The following ACOX2 variants were observed in gnomAD, a reference collection of about 807,000 sequenced individuals.
ACOX2 encodes the protein acyl-CoA oxidase 2.
ACOX2 carries 59 observed loss-of-function variants against 77.5 expected under a neutral mutation model. That is an observed-to-expected ratio of 0.76 (90% CI 0.62 to 0.95). ACOX2 has a LOEUF of 0.95. Ranked by LOEUF, ACOX2 falls within the 40% of genes least tolerant of loss-of-function variation. The pLI, the probability that ACOX2 is intolerant of heterozygous loss-of-function variation, is 0.00. For missense variants in ACOX2, 837 were observed against 880.4 expected, an observed-to-expected ratio of 0.95 and a Z score of 0.62; for synonymous variants, 317 against 340.1, an observed-to-expected ratio of 0.93 and a Z score of 0.75.
chr3:58,517,616 G>T (rs565175247), intron 12 of ACOX2, among the ~76,000 whole-genome samples, 193 bp from the exon 13 acceptor site: 22 of 149,114 alleles, frequency 1.5e-4, no homozygotes, highest in East Asian at 4.0e-4. Flanking sequence ...TGTGTGTTGG[G>T]GGGGGGAGCG....
At position 58,505,898 on chromosome 3, in the gene ACOX2, C is replaced by T. The variant is rs1469563615; in HGVS notation, c.1984-612G>A. On this transcript the variant is annotated intron_variant, in intron 14 of 14. Coordinates refer to ENST00000302819, the MANE Select transcript of ACOX2 (RefSeq NM_003500.4). This position sits in a 1 kb window ranked among gnomAD's most constrained non-coding sequence, Gnocchi z 4.4. ...TTCCGCCTCCTGGGTTCAAGCGATT[C>T]TTGTGCCTCAGCCTCCCGAGTACCT... Among the ~76,000 whole-genome samples the T allele has an allele frequency of 6.6e-6, 1 of 152,094 alleles. No individual in the cohort carries two copies. Among genetic ancestry groups the T allele is most frequent in the Non-Finnish European group, 1.5e-5 (1 of 68,022 alleles).
Position 58,522,627 on chromosome 3 carries a change from AG to A in ACOX2, c.1527-27del. 1 of 1,607,990 alleles carries A rather than the reference AG, an allele frequency of 6.2e-7. No individual in the cohort carries two copies. On this transcript the variant is annotated intron_variant, in intron 11 of 14. Coordinates refer to ENST00000302819, the MANE Select transcript of ACOX2 (RefSeq NM_003500.4). The surrounding 1 kb of genome is among the most constrained non-coding windows in gnomAD (Gnocchi z 4.3). ...CTGAAAGCCAAAGCAAAAAAGGTTC[AG>A]CTTCCTGACTGAGTGGAAAAGACAA...
chr3:58,510,663 A>AATAT (rs1364040351), intron 13 of ACOX2, among the ~76,000 whole-genome samples: 6 of 14,366 alleles, frequency 4.2e-4, no homozygotes, highest in Non-Finnish European at 6.0e-4. Flanking sequence ...AAAAAAAAAA[A>AATAT]ATATATATAT....
At chr3:58,511,222 A>G (rs2063284845) in intron 13 of ACOX2, 1 of 320,698 alleles carries the variant, frequency 3.1e-6, no homozygotes, top group Non-Finnish European at 6.1e-6. Flanking sequence ...GCCTTTCTCC[A>G]ACAACATCAA....
intron 13 of ACOX2, among the ~76,000 whole-genome samples, chr3:58,509,709 C>G (rs995647292): frequency 1.3e-5 from 2 of 149,914 alleles, no homozygotes; most frequent in Admixed American, 6.6e-5. Flanking sequence ...GGGCTCAAGC[C>G]ATTCTCCTGC....
Position 58,509,021 on chromosome 3 carries a change from C to A in ACOX2, c.1855G>T (p.Asp619Tyr), listed in dbSNP as rs2063255907. 1.2e-6 allele frequency: 2 copies of A among 1,614,106 alleles called. No individual in the cohort carries two copies. Among genetic ancestry groups the A allele is most frequent in the Non-Finnish European group, 8.5e-7 (1 of 1,179,982 alleles). Residue 619 changes from aspartate to tyrosine, a missense_variant, in exon 14 of 15, where the codon GAT (aspartate) becomes TAT (tyrosine). Transcript: ENST00000302819. ...YLDLLRLIRKDAILLTDAFDF... is the reference protein window; with the variant it reads ...YLDLLRLIRKYAILLTDAFDF... ...AAAGCATCAGTTAACAGGATGGCAT[C>A]CTTCCTGGGATAGGAAACAAGAGTT...
chr3:58,529,745 C>CTG (rs2063423015), intron 8 of ACOX2, among the ~76,000 whole-genome samples: 1 of 152,230 alleles, frequency 6.6e-6, no homozygotes, highest in South Asian at 2.1e-4. Context: ...GGACCCTGGG[C>CTG]TGAGGACTTA....
rs773764818 is a variant in ACOX2, at chr3:58,524,609, G to A, written c.1347-4C>T. 8 of 1,613,414 alleles carry A rather than the reference G, an allele frequency of 5.0e-6. 1 individual carries two copies. In the South Asian group the frequency reaches 7.7e-5, roughly 15 times the overall value. ...CAGGTAGCTCTTCACCAGGAACCTGGGGGTTGGAAGAGGAGGCAGGTGAGA... is the reference window on the plus strand; with the variant it reads ...CAGGTAGCTCTTCACCAGGAACCTGAGGGTTGGAAGAGGAGGCAGGTGAGA... On this transcript the variant is annotated splice_region_variant and splice_polypyrimidine_tract_variant and intron_variant, in intron 10 of 14. Transcript: ENST00000302819. The surrounding 1 kb of genome is among the most constrained non-coding windows in gnomAD (Gnocchi z 5.5).
rs971424118 is a variant in ACOX2 at position 58,523,225 on chromosome 3, T to C, written c.1527-624A>G. On this transcript the variant is annotated intron_variant, in intron 11 of 14. Transcript: ENST00000302819. The surrounding 1 kb of genome is among the most constrained non-coding windows in gnomAD (Gnocchi z 5.3). The stretch of plus-strand genomic sequence containing the variant: ...GTAAAGCAAACTGTTTATTAAGCAA[T>C]ATGTTTTTTGCTTTGTCAGGGAATA... 6.6e-6 allele frequency among the ~76,000 whole-genome samples: 1 copy of C among 152,206 alleles called. No individual in the cohort carries two copies. The highest frequency in any genetic ancestry group is 6.5e-5 in the Admixed American group (1 of 15,286).
chr3:58,524,732 A>C lies in ACOX2; in HGVS notation c.1347-127T>G. On this transcript the variant is annotated intron_variant, in intron 10 of 14. Coordinates refer to ENST00000302819, the MANE Select transcript of ACOX2 (RefSeq NM_003500.4). This position sits in a 1 kb window ranked among gnomAD's most constrained non-coding sequence, Gnocchi z 5.5. ...CTTCCCGTGGGAGAGCCAGGTCACC[A>C]GGCCTCTGCCTGGCCTCCCTCCTGA... 1 of 1,088,090 alleles carries C rather than the reference A, an allele frequency of 9.2e-7. No individual in the cohort carries two copies. Among genetic ancestry groups the C allele is most frequent in the South Asian group, 1.6e-5 (1 of 63,046 alleles). 67.4% of individuals were successfully genotyped at this position (1,088,090 alleles called of 1,614,324 possible). A position where few individuals can be genotyped will look rare whatever the true frequency, so the allele number is the denominator to read the frequency against.
chr3:58,513,430 C>T (rs974783072), intron 13 of ACOX2, among the ~76,000 whole-genome samples: 2 of 151,870 alleles, frequency 1.3e-5, no homozygotes, highest in African/African-American at 4.8e-5. Context: ...AAAAGTCCTC[C>T]TTTTTTTTGT....
At chr3:58,529,271 A>G (rs909798598) in intron 8 of ACOX2, 19 of 188,332 alleles carry the variant, frequency 1.0e-4, no homozygotes, top group Non-Finnish European at 1.9e-4. Flanking sequence ...TGGTCCCAAG[A>G]TTTCAGGTGA....
In ACOX2 at chr3:58,533,657, G is replaced by A. The variant is rs1417362784; in HGVS notation, c.476-105C>T. On this transcript the variant is annotated intron_variant, in intron 4 of 14. Coordinates refer to ENST00000302819, the MANE Select transcript of ACOX2 (RefSeq NM_003500.4). This position sits in a 1 kb window ranked among gnomAD's most constrained non-coding sequence, Gnocchi z 5.6. ...CTCTTAGGCATCAGCGCAGTATGGA[G>A]TGGGGCCCAGCTCCCAGCTGTACTT... 2.0e-6 allele frequency: 2 copies of A among 1,002,852 alleles called. No individual in the cohort carries two copies. Among genetic ancestry groups the A allele is most frequent in the Non-Finnish European group, 3.1e-6 (2 of 652,594 alleles). 62.1% of individuals were successfully genotyped at this position (1,002,852 alleles called of 1,614,324 possible).
Position 58,531,012 on chromosome 3 carries a change from A to G in ACOX2, c.819+239T>C, listed in dbSNP as rs1309257525. Among the ~76,000 whole-genome samples the G allele has an allele frequency of 6.6e-6, 1 of 152,156 alleles. No individual in the cohort carries two copies. Among genetic ancestry groups the G allele is most frequent in the African/African-American group, 2.4e-5 (1 of 41,432 alleles). ...CCTGGGGCTGCCACCCCACCCCACG[A>G]TTGCTCTGTCAGCCTATGTGACGAG... On this transcript the variant is annotated intron_variant, in intron 7 of 14. Transcript: ENST00000302819. The surrounding 1 kb of genome is among the most constrained non-coding windows in gnomAD (Gnocchi z 5.8).
intron 12 of ACOX2, among the ~76,000 whole-genome samples, chr3:58,520,763 C>A (rs2063352815): frequency 6.6e-6 from 1 of 152,214 alleles, no homozygotes; most frequent in Non-Finnish European, 1.5e-5. Context: ...CACCACCTCC[C>A]CAGGAAGCTG....
chr3:58,528,651 CAGACGCCCTGGGA>C lies in ACOX2; in HGVS notation c.1155+130_1155+142del. 9.1e-7 allele frequency: 1 copy of C among 1,093,830 alleles called. No individual in the cohort carries two copies. Among genetic ancestry groups the C allele is most frequent in the Non-Finnish European group, 1.2e-6 (1 of 804,644 alleles). The allele number at this position is 1,093,830 out of a possible 1,614,324, so 67.8% of individuals were successfully genotyped here. A position where few individuals can be genotyped will look rare whatever the true frequency, so the allele number is the denominator to read the frequency against. ...TTTATATACCAGGGTGCCGTTCACCCAGACGCCCTGGGATGCTGAAAGCTGGGAGAGGTGGGGG... is the reference window on the plus strand; with the variant it reads ...TTTATATACCAGGGTGCCGTTCACCCTGCTGAAAGCTGGGAGAGGTGGGGG... On this transcript the variant is annotated intron_variant, in intron 9 of 14. Transcript: ENST00000302819. The surrounding 1 kb of genome is among the most constrained non-coding windows in gnomAD (Gnocchi z 5.6).
At position 58,534,065 on chromosome 3, in the gene ACOX2, A is replaced by G; in HGVS notation, c.404T>C (p.Ile135Thr). ...TTTGCAGAGTGGGTCCCATTTGGCA[A>G]TCTGCTCCTCTGAGCCCAGGCTCCT... is the stretch of plus-strand genomic sequence containing the variant. ...ALRSLGSEEQ[I>T]AKWDPLCKNI... Residue 135 changes from isoleucine (I) to threonine (T), a missense_variant, in exon 4 of 15, where the codon ATT becomes ACT. Transcript: ENST00000302819. This position sits in a 1 kb window ranked among gnomAD's most constrained non-coding sequence, Gnocchi z 4.8. The G allele has an allele frequency of 1.2e-6, 2 of 1,614,120 alleles. No individual in the cohort carries two copies. The highest frequency in any genetic ancestry group is 1.1e-5 in the South Asian group (1 of 91,064).
chr3:58,533,497 C>T lies in ACOX2; in HGVS notation c.531G>A (p.Glu177=). The T allele has an allele frequency of 1.9e-6, 3 of 1,614,052 alleles. No homozygotes were observed. Among genetic ancestry groups the T allele is most frequent in the Non-Finnish European group, 2.5e-6 (3 of 1,180,000 alleles). The change falls in exon 5 of 15, where the codon GAG becomes GAA. Residue 177 remains glutamate (E), a synonymous_variant. Transcript: ENST00000302819. The surrounding 1 kb of genome is among the most constrained non-coding windows in gnomAD (Gnocchi z 5.6). ...TCAGCGTGGGGCTGTGTATCACAAA[C>T]TCCTGGGTGGCTGCGTCATAGGTGG... is the stretch of plus-strand genomic sequence containing the variant. ...TEATYDAATQ[E]FVIHSPTLTA...
At position 58,533,557 on chromosome 3, in the gene ACOX2, G is replaced by A; in HGVS notation, c.476-5C>T. Reference sequence around the variant, plus strand: ...CCAGGCCCTGAAGATATGTCCCTTAGGATCAAGGAGAGGTGTTAGACATTG... The same window carrying A: ...CCAGGCCCTGAAGATATGTCCCTTAAGATCAAGGAGAGGTGTTAGACATTG... On this transcript the variant is annotated splice_polypyrimidine_tract_variant and splice_region_variant and intron_variant, in intron 4 of 14. Transcript: ENST00000302819. This position sits in a 1 kb window ranked among gnomAD's most constrained non-coding sequence, Gnocchi z 5.6. 1 of 1,613,720 alleles carries A rather than the reference G, an allele frequency of 6.2e-7. No individual in the cohort carries two copies. The highest frequency in any genetic ancestry group is 1.1e-5 in the South Asian group (1 of 91,038).
Sources: gnomAD v4.1 joint callset for allele counts (sites outside exome capture counted in the v4.1 genomes callset) on GRCh38, gnomAD v4.1.1 for gene constraint, Gnocchi (gnomAD v3.1) non-coding constraint, MANE v1.5 for transcripts, NCBI Gene and HGNC (gene_info 2026-07-23, HGNC 2026-07-21) for gene names.